The following TRPS1 variants were observed in gnomAD, a reference collection of about 807,000 sequenced individuals.
TRPS1 encodes zinc finger transcription factor Trps1.
In TRPS1, 6 loss-of-function variants were observed where a neutral mutation model predicts 101.2. That is an observed-to-expected ratio of 0.06 (90% confidence interval 0.03 to 0.12). TRPS1 has a LOEUF of 0.12. Among genes scored for constraint, TRPS1 ranks in the 10% least tolerant of loss-of-function variants. The probability of loss-of-function intolerance (pLI) is 1.00; values close to 1 mark genes in which losing one functional copy is unlikely to be tolerated. For synonymous variants in TRPS1, 578 were observed against 589.8 expected (o/e 0.98, Z 0.29); for missense variants, 1,363 against 1,567.0 (o/e 0.87, Z 2.20).
intron 1 of TRPS1, among the ~76,000 whole-genome samples, chr8:115,628,457 G>C (rs1818558391): frequency 6.6e-6 from 1 of 151,454 alleles, no homozygotes; most frequent in Non-Finnish European, 1.5e-5. Flanking sequence ...ACACACAGGA[G>C]TCATTTTCTC....
intron 5 of TRPS1, among the ~76,000 whole-genome samples, chr8:115,559,862 T>C (rs747707106): frequency 6.6e-6 from 1 of 152,072 alleles, no homozygotes; most frequent in Non-Finnish European, 1.5e-5. Flanking sequence ...TAACAGACAA[T>C]GGATGGATGA....
intron 1 of TRPS1, among the ~76,000 whole-genome samples, chr8:115,642,562 G>A (rs991355989): frequency 1.3e-5 from 2 of 151,774 alleles, no homozygotes; most frequent in Admixed American, 1.3e-4. Flanking sequence ...TATGAAACTT[G>A]TGAATTTTAT....
At chr8:115,508,815 G>T (rs3808430) in intron 5 of TRPS1, among the ~76,000 whole-genome samples, 92,490 of 151,788 alleles carry the variant, frequency 0.61, 28,617 homozygotes, top group East Asian at 0.84. Flanking sequence ...TCTGAGGCCA[G>T]ATCCTTTTGG....
intron 4 of TRPS1, 112 bp from the exon 5 acceptor site, chr8:115,587,716 G>A: frequency 1.3e-6 from 2 of 1,559,838 alleles, no homozygotes; most frequent in Non-Finnish European, 1.7e-6. Context: ...ATAGTAGGTA[G>A]AAAGAAATGC....
At chr8:115,667,287 C>T (rs796348251) in intron 1 of TRPS1, among the ~76,000 whole-genome samples, 3 of 152,228 alleles carry the variant, frequency 2.0e-5, no homozygotes, top group South Asian at 2.1e-4. Flanking sequence ...CAGGTACTAA[C>T]GAAAAAGCTT....
At chr8:115,536,356 TAA>T (rs1816319685) in intron 5 of TRPS1, among the ~76,000 whole-genome samples, 1 of 151,620 alleles carries the variant, frequency 6.6e-6, no homozygotes, top group Non-Finnish European at 1.5e-5. Context: ...CCATCGCTAC[TAA>T]AAATACAAAA....
intron 5 of TRPS1, among the ~76,000 whole-genome samples, chr8:115,543,332 T>C (rs1323438649): frequency 1.3e-5 from 2 of 152,198 alleles, no homozygotes; most frequent in African/African-American, 2.4e-5. Flanking sequence ...GGTTATGTAT[T>C]ACACATCCAC....
Position 115,658,716 on chromosome 8 carries a change from C to T in TRPS1, c.-122+9829G>A, listed in dbSNP as rs1289372894. On this transcript the variant is annotated intron_variant, in intron 1 of 6. Transcript: ENST00000395715. ...TGAATTATTCTGGGAGTAAAAAGTA[C>T]ATGATGTACATAAATGTACACAAAT... Among the ~76,000 whole-genome samples the T allele has an allele frequency of 2.0e-5, 3 of 152,136 alleles. No homozygotes were observed. The South Asian group carries it at 6.2e-4, about 31-fold the overall frequency.
intron 4 of TRPS1, among the ~76,000 whole-genome samples, chr8:115,599,628 T>C (rs1335504807): frequency 6.6e-6 from 1 of 152,164 alleles, no homozygotes; most frequent in Admixed American, 6.5e-5. Flanking sequence ...TTGCTGAGAA[T>C]GATGGTTTCC....
intron 1 of TRPS1, among the ~76,000 whole-genome samples, chr8:115,629,263 T>G (rs976502966): frequency 1.3e-5 from 2 of 151,932 alleles, no homozygotes; most frequent in African/African-American, 4.8e-5. Context: ...GTTTTTTTGT[T>G]TTTTTTCCAG....
intron 5 of TRPS1, among the ~76,000 whole-genome samples, chr8:115,572,015 TAAAC>T (rs2130398585): frequency 6.6e-6 from 1 of 152,142 alleles, no homozygotes; most frequent in East Asian, 1.9e-4. Flanking sequence ...TTTACATAAT[TAAAC>T]AATTAAATTT....
At chr8:115,629,415 A>G (rs1818588263) in intron 1 of TRPS1, among the ~76,000 whole-genome samples, 3 of 151,848 alleles carry the variant, frequency 2.0e-5, no homozygotes, top group Admixed American at 1.3e-4. Flanking sequence ...AAACATCTAC[A>G]TACAATAAAA....
At chr8:115,423,018 C>T (rs1813105499) in intron 5 of TRPS1, among the ~76,000 whole-genome samples, 1 of 152,178 alleles carries the variant, frequency 6.6e-6, no homozygotes, top group Non-Finnish European at 1.5e-5. Flanking sequence ...ACTGCTCACT[C>T]ACACATGTAA....
At chr8:115,576,145 G>T (rs537886866) in intron 5 of TRPS1, among the ~76,000 whole-genome samples, 7 of 152,160 alleles carry the variant, frequency 4.6e-5, no homozygotes, top group African/African-American at 1.7e-4. Flanking sequence ...TGTTTCCAAA[G>T]AATGGGCTTT....
chr8:115,442,210 T>A (rs184172497), intron 5 of TRPS1, among the ~76,000 whole-genome samples: 1 of 152,322 alleles, frequency 6.6e-6, no homozygotes, highest in East Asian at 1.9e-4. Flanking sequence ...GGACTTTGAA[T>A]GTCATATATA....
intron 5 of TRPS1, among the ~76,000 whole-genome samples, chr8:115,423,013 TCA>T (rs1165665169): frequency 6.6e-6 from 1 of 152,156 alleles, no homozygotes; most frequent in Non-Finnish European, 1.5e-5. Context: ...GGAAGACTGC[TCA>T]CTCACACATG....
chr8:115,634,461 CTTAAAG>C (rs1313442507), intron 1 of TRPS1, among the ~76,000 whole-genome samples: 2 of 152,272 alleles, frequency 1.3e-5, no homozygotes, highest in East Asian at 3.9e-4. Flanking sequence ...TATAGGATAA[CTTAAAG>C]TTAATCACAT....
At chr8:115,536,637 T>C (rs1816330355) in intron 5 of TRPS1, among the ~76,000 whole-genome samples, 2 of 152,102 alleles carry the variant, frequency 1.3e-5, no homozygotes, top group African/African-American at 2.4e-5. Flanking sequence ...TTTACTCTTA[T>C]GTAATTAATA....
chr8:115,586,885 T>G (rs1486408569), intron 5 of TRPS1, 116 bp downstream of exon 5: 10 of 1,573,728 alleles, frequency 6.4e-6, no homozygotes, highest in East Asian at 4.5e-5. Flanking sequence ...ATCCCCAGAT[T>G]GAGACAGATC....
Sources: gnomAD v4.1 joint callset for allele counts (sites outside exome capture counted in the v4.1 genomes callset) on GRCh38, gnomAD v4.1.1 for gene constraint, MANE v1.5 for transcripts, NCBI Gene and HGNC (gene_info 2026-07-23, HGNC 2026-07-21) for gene names.